FAM107B: variants seen among roughly 807,000 people sequenced by gnomAD.
FAM107B encodes the protein protein FAM107B.
A neutral mutation model predicts 31.5 loss-of-function variants in FAM107B; 21 were observed. That is an observed-to-expected ratio of 0.67 (90% CI 0.47 to 0.96). The LOEUF is 0.96. Ranked by LOEUF, FAM107B falls within the 40% of genes least tolerant of loss-of-function variation. FAM107B has a pLI of 0.00. For missense variants in FAM107B, 452 were observed against 377.1 expected (o/e 1.20, Z -1.64); for synonymous variants, 157 against 141.5 (o/e 1.11, Z -0.78).
At chr10:14,704,429 C>CA (rs1213622974) in intron 1 of FAM107B, among the ~76,000 whole-genome samples, 5 of 152,072 alleles carry the variant, frequency 3.3e-5, no homozygotes, top group Non-Finnish European at 7.4e-5. Flanking sequence ...CTGTTTACCC[C>CA]AAAAATATTG....
chr10:14,690,641 A>G (rs2131508891), intron 1 of FAM107B, among the ~76,000 whole-genome samples: 1 of 151,994 alleles, frequency 6.6e-6, no homozygotes, highest in East Asian at 1.9e-4. Flanking sequence ...TTTAGTAGAG[A>G]CAGGGTTTCA....
chr10:14,660,536 TA>T (rs1854207168), intron 2 of FAM107B, among the ~76,000 whole-genome samples: 2 of 152,252 alleles, frequency 1.3e-5, no homozygotes, highest in South Asian at 4.1e-4. Context: ...AAAGTGGTAC[TA>T]TGTAATTTCT....
intron 2 of FAM107B, among the ~76,000 whole-genome samples, chr10:14,537,697 T>C (rs931506143): frequency 4.6e-5 from 7 of 151,990 alleles, no homozygotes; most frequent in Middle Eastern, 3.4e-3. Flanking sequence ...AAGTTGGGTG[T>C]GGTGGCATGC....
intron 1 of FAM107B, among the ~76,000 whole-genome samples, chr10:14,678,515 G>A (rs1428867379): frequency 6.6e-6 from 1 of 151,934 alleles, no homozygotes; most frequent in Non-Finnish European, 1.5e-5. Context: ...ACCTAATTCG[G>A]GACCTCCAGA....
chr10:14,546,686 C>T (rs1390099656), intron 2 of FAM107B, among the ~76,000 whole-genome samples: 1 of 152,180 alleles, frequency 6.6e-6, no homozygotes, highest in East Asian at 1.9e-4. Flanking sequence ...TCCCTACTTC[C>T]CACTGCATCT....
chr10:14,611,301 T>C (rs1039929514), intron 2 of FAM107B, among the ~76,000 whole-genome samples: 34 of 152,146 alleles, frequency 2.2e-4, no homozygotes, highest in African/African-American at 8.0e-4. Flanking sequence ...AGATAATTTC[T>C]GTAAATTTCC....
chr10:14,560,418 G>A (rs75558849), intron 2 of FAM107B, among the ~76,000 whole-genome samples: 13 of 152,292 alleles, frequency 8.5e-5, no homozygotes, highest in East Asian at 3.9e-4. Context: ...ACACAGAGCC[G>A]TCAGAGCGGG....
In FAM107B at chr10:14,701,695, C is replaced by T. The variant is rs143837993; in HGVS notation, c.412-34004G>A. 2.8e-4 allele frequency among the ~76,000 whole-genome samples: 42 copies of T among 151,822 alleles called. 1 individual carries two copies. The East Asian group carries it at 8.1e-3, about 29-fold the overall frequency. On this transcript the variant is annotated intron_variant, in intron 1 of 4. Transcript: ENST00000181796. ...AGGAAACCAGAAAGAATGCAATGAC[C>T]GGCCCTAGGCAAAGAGTTGTTTTTT...
At chr10:14,623,405 A>G (rs1853067930) in intron 2 of FAM107B, among the ~76,000 whole-genome samples, 1 of 152,254 alleles carries the variant, frequency 6.6e-6, no homozygotes, top group African/African-American at 2.4e-5. Flanking sequence ...AAGATCTGGT[A>G]AAACATCTAC....
intron 2 of FAM107B, among the ~76,000 whole-genome samples, chr10:14,590,707 C>T (rs917670359): frequency 6.6e-6 from 1 of 151,892 alleles, no homozygotes; most frequent in African/African-American, 2.4e-5. Context: ...CTCAGCCAGG[C>T]GTAGTGGCTC....
At chr10:14,724,663 G>A (rs1855987989) in intron 1 of FAM107B, among the ~76,000 whole-genome samples, 1 of 151,742 alleles carries the variant, frequency 6.6e-6, no homozygotes, top group East Asian at 1.9e-4. Flanking sequence ...AGGATGAGAA[G>A]CTTAGACCAG....
At chr10:14,686,837 T>C (rs1012483901) in intron 1 of FAM107B, among the ~76,000 whole-genome samples, 2 of 152,224 alleles carry the variant, frequency 1.3e-5, no homozygotes, top group Non-Finnish European at 2.9e-5. Flanking sequence ...GAGGGGCAGG[T>C]GGAGCCAATG....
intron 2 of FAM107B, among the ~76,000 whole-genome samples, chr10:14,572,762 A>ATATATATATATATATATATATAT (rs1491218709): frequency 1.5e-5 from 1 of 66,030 alleles, no homozygotes; most frequent in South Asian, 5.2e-4. Context: ...TATATATATT[A>ATATATATATATATATATATATAT]GAGTGTGTGT....
At chr10:14,570,724 C>T (rs113856564) in intron 2 of FAM107B, among the ~76,000 whole-genome samples, 1,610 of 152,052 alleles carry the variant, frequency 0.011, 29 homozygotes, top group African/African-American at 0.037. Flanking sequence ...ATCGCTTGAA[C>T]CTGGGAGGCA....
At chr10:14,731,297 C>A (rs1856166999) in intron 1 of FAM107B, among the ~76,000 whole-genome samples, 1 of 152,174 alleles carries the variant, frequency 6.6e-6, no homozygotes, top group Non-Finnish European at 1.5e-5. Context: ...TGTGGTGGCT[C>A]ACGCCTGTAA....
At chr10:14,604,243 G>A in intron 2 of FAM107B, 1 of 979,542 alleles carries the variant, frequency 1.0e-6, no homozygotes, top group Non-Finnish European at 1.2e-6. Context: ...AACCTACCTC[G>A]GCGCGCGCAC....
chr10:14,767,799 A>C (rs1833214878), intron 1 of FAM107B, among the ~76,000 whole-genome samples: 1 of 152,226 alleles, frequency 6.6e-6, no homozygotes, highest in Non-Finnish European at 1.5e-5. Context: ...TATTCAATGC[A>C]GTATTGTAAG....
At chr10:14,702,375 G>A (rs1448029967) in intron 1 of FAM107B, among the ~76,000 whole-genome samples, 1 of 151,776 alleles carries the variant, frequency 6.6e-6, no homozygotes, top group Non-Finnish European at 1.5e-5. Flanking sequence ...TTTTTTTTGA[G>A]ACACAGTCTC....
chr10:14,707,160 A>C (rs1855540571), intron 1 of FAM107B, among the ~76,000 whole-genome samples: 1 of 151,996 alleles, frequency 6.6e-6, no homozygotes, highest in Non-Finnish European at 1.5e-5. Context: ...AAAAAAACAA[A>C]ACAACAAAAC....
Sources: gnomAD v4.1 joint callset for allele counts (sites outside exome capture counted in the v4.1 genomes callset) on GRCh38, gnomAD v4.1.1 for gene constraint, MANE v1.5 for transcripts, NCBI Gene and HGNC (gene_info 2026-07-23, HGNC 2026-07-21) for gene names.